EPHX1: variants seen among roughly 807,000 people sequenced by gnomAD.
The protein encoded by EPHX1 is epoxide hydrolase 1.
EPHX1 carries 40 observed loss-of-function variants against 43.2 expected under a neutral mutation model. The ratio of observed to expected loss-of-function variants is 0.93; its 90% CI spans 0.72 to 1.21. The LOEUF (loss-of-function observed/expected upper bound fraction) is 1.21, where lower values mean the gene tolerates loss of function less well. Ranked by LOEUF, EPHX1 falls within the 50% of genes most tolerant of loss-of-function variation. EPHX1 has a pLI of 0.00. For missense variants in EPHX1, 550 were observed against 570.4 expected (o/e 0.96, Z 0.36); for synonymous variants, 221 against 226.7 (o/e 0.98, Z 0.22).
intron 3 of EPHX1, among the ~76,000 whole-genome samples, chr1:225,834,522 G>T (rs925461812): frequency 6.8e-6 from 1 of 146,170 alleles, no homozygotes; most frequent in African/African-American, 2.5e-5. Flanking sequence ...CCAGAGAAAA[G>T]CTAAGTCAAA....
intron 3 of EPHX1, among the ~76,000 whole-genome samples, chr1:225,832,602 G>A (rs1026202060): frequency 4.6e-5 from 7 of 152,198 alleles, no homozygotes; most frequent in Admixed American, 2.0e-4. Flanking sequence ...GTAATTCTGC[G>A]TTTAATTTTC....
intron 5 of EPHX1, 67 bp from the exon 6 acceptor site, chr1:225,839,762 C>A: frequency 6.5e-7 from 1 of 1,526,994 alleles, no homozygotes; most frequent in Non-Finnish European, 9.1e-7. Flanking sequence ...GTTCCTCCGC[C>A]ATCTCTCCTC....
chr1:225,819,874 C>T (rs1243705571), intron 1 of EPHX1, among the ~76,000 whole-genome samples: 2 of 152,198 alleles, frequency 1.3e-5, no homozygotes, highest in East Asian at 3.9e-4. Flanking sequence ...AAGTGTTTGG[C>T]TGGTCTTCTC....
intron 2 of EPHX1, among the ~76,000 whole-genome samples, chr1:225,830,684 C>T (rs45607741): frequency 0.1 from 15,383 of 152,144 alleles, 992 homozygotes; most frequent in East Asian, 0.2. Flanking sequence ...AGGCTGGTCT[C>T]GAACTCCTGA....
chr1:225,838,519 A>C (rs775025485), intron 3 of EPHX1, 135 bp from the exon 4 acceptor site: 3 of 721,478 alleles, frequency 4.2e-6, no homozygotes, highest in Non-Finnish European at 4.7e-6. Context: ...AGCCCTTATT[A>C]CTGTCAATAC....
chr1:225,832,081 T>C (rs1667636662), intron 3 of EPHX1, 122 bp downstream of exon 3: 2 of 1,032,644 alleles, frequency 1.9e-6, no homozygotes, highest in Non-Finnish European at 2.9e-6. Flanking sequence ...GTGACTGAGA[T>C]GTACTTATAC....
intron 3 of EPHX1, among the ~76,000 whole-genome samples, chr1:225,833,795 TAAAAA>T (rs765544660): frequency 9.2e-6 from 1 of 108,648 alleles, no homozygotes; most frequent in African/African-American, 3.5e-5. Flanking sequence ...ACTCTGTCTT[TAAAAA>T]AAAAAAAAAA....
chr1:225,836,610 A>G (rs1667979680), intron 3 of EPHX1, among the ~76,000 whole-genome samples: 1 of 151,596 alleles, frequency 6.6e-6, no homozygotes, highest in Admixed American at 6.6e-5. Context: ...AAAGAAGAAG[A>G]AAAAAAAAGG....
chr1:225,811,382 C>T (rs1033140411), intron 1 of EPHX1, among the ~76,000 whole-genome samples: 1 of 152,202 alleles, frequency 6.6e-6, no homozygotes, highest in Admixed American at 6.5e-5. Flanking sequence ...AAGCCTGGAT[C>T]CGCCCCTACA....
intron 2 of EPHX1, among the ~76,000 whole-genome samples, chr1:225,830,691 C>T (rs957636148): frequency 3.3e-5 from 5 of 152,134 alleles, no homozygotes; most frequent in African/African-American, 1.2e-4. Flanking sequence ...TCTCGAACTC[C>T]TGACTTCAAG....
intron 7 of EPHX1, among the ~76,000 whole-genome samples, chr1:225,843,741 C>T (rs906365707): frequency 2.0e-5 from 3 of 152,312 alleles, no homozygotes; most frequent in African/African-American, 7.2e-5. Flanking sequence ...TGGTCGTGGT[C>T]GTTTTCAAGC....
chr1:225,836,321 T>G (rs993937609), intron 3 of EPHX1, among the ~76,000 whole-genome samples: 1 of 152,182 alleles, frequency 6.6e-6, no homozygotes, highest in African/African-American at 2.4e-5. Flanking sequence ...TGGCCGGGTG[T>G]GGTGGCTCAC....
chr1:225,841,450 T>C (rs1576036217), intron 6 of EPHX1, among the ~76,000 whole-genome samples: 1 of 149,740 alleles, frequency 6.7e-6, no homozygotes, highest in African/African-American at 2.5e-5. Context: ...GCCTGGCTAA[T>C]GTTTTGTATT....
At chr1:225,826,814 GCA>G (rs879876554) in intron 1 of EPHX1, among the ~76,000 whole-genome samples, 17 of 152,132 alleles carry the variant, frequency 1.1e-4, no homozygotes, top group Non-Finnish European at 2.4e-4. Context: ...AGGGGGCGAG[GCA>G]CACAGGGGGC....
chr1:225,834,853 C>T (rs988700132), intron 3 of EPHX1, among the ~76,000 whole-genome samples: 1 of 152,206 alleles, frequency 6.6e-6, no homozygotes, highest in Non-Finnish European at 1.5e-5. Context: ...CCAGCAGAAA[C>T]TAACAGGGCG....
intron 3 of EPHX1, among the ~76,000 whole-genome samples, chr1:225,833,104 C>T (rs892501186): frequency 4.6e-5 from 7 of 152,186 alleles, no homozygotes; most frequent in African/African-American, 1.4e-4. Flanking sequence ...GCAATCCTCT[C>T]GCCTCAGACC....
At position 225,844,657 on chromosome 1, in the gene EPHX1, G is replaced by A. The variant is rs45519542; in HGVS notation, c.1166+34G>A. The A allele has an allele frequency of 1.1e-4, 177 of 1,612,638 alleles. No homozygotes were observed. In the African/African-American group the frequency reaches 2.1e-3, roughly 19 times the overall value. ...GGCTGAGCCGAGAACAGGGGCCTCT[G>A]AGGCTGGAGGCAGGGGGACGGCCAG... On this transcript the variant is annotated intron_variant, in intron 8 of 8. Coordinates refer to ENST00000272167, the MANE Select transcript of EPHX1 (RefSeq NM_001136018.4).
At chr1:225,838,520 CT>C in intron 3 of EPHX1, 133 bp from the exon 4 acceptor site, 1 of 728,370 alleles carries the variant, frequency 1.4e-6, no homozygotes, top group Non-Finnish European at 2.3e-6. Flanking sequence ...GCCCTTATTA[CT>C]GTCAATACCA....
chr1:225,816,582 C>T (rs1666732943), intron 1 of EPHX1, among the ~76,000 whole-genome samples: 1 of 152,194 alleles, frequency 6.6e-6, no homozygotes, highest in Non-Finnish European at 1.5e-5. Context: ...TTCTTGAGTT[C>T]TGTAACTTAA....
Sources: gnomAD v4.1 joint callset for allele counts (sites outside exome capture counted in the v4.1 genomes callset) on GRCh38, gnomAD v4.1.1 for gene constraint, MANE v1.5 for transcripts, NCBI Gene and HGNC (gene_info 2026-07-23, HGNC 2026-07-21) for gene names.